The following KCNQ5 variants were observed in gnomAD, a reference collection of about 807,000 sequenced individuals.
KCNQ5 encodes the protein potassium voltage-gated channel subfamily KQT member 5.
KCNQ5 carries 30 observed loss-of-function variants against 98.2 expected under a neutral mutation model. That is an observed-to-expected ratio of 0.31 (90% CI 0.23 to 0.41). The LOEUF (loss-of-function observed/expected upper bound fraction) is 0.41. Among genes scored for constraint, KCNQ5 ranks in the 10% least tolerant of loss-of-function variants. KCNQ5 has a pLI of 1.00. For synonymous variants in KCNQ5, 458 were observed against 449.4 expected (o/e 1.02, Z -0.24); for missense variants, 835 against 1,182.5 (o/e 0.71, Z 4.31).
chr6:73,109,540 C>A (rs1020994426), intron 6 of KCNQ5, among the ~76,000 whole-genome samples: 2 of 152,096 alleles, frequency 1.3e-5, no homozygotes, highest in Admixed American at 6.5e-5. Context: ...ATAAAGAAAT[C>A]TTTCCTAAAT....
intron 1 of KCNQ5, among the ~76,000 whole-genome samples, chr6:72,749,202 C>A (rs915201709): frequency 2.6e-5 from 4 of 152,050 alleles, no homozygotes; most frequent in Non-Finnish European, 4.4e-5. Flanking sequence ...AAAGTTGAAT[C>A]CTTGCTAAAG....
At chr6:73,015,273 A>G (rs566458765) in intron 2 of KCNQ5, among the ~76,000 whole-genome samples, 1 of 152,212 alleles carries the variant, frequency 6.6e-6, no homozygotes, top group African/African-American at 2.4e-5. Flanking sequence ...TTCATCAAGG[A>G]AAAATGCAAA....
chr6:72,770,583 A>G (rs1415112598), intron 1 of KCNQ5, among the ~76,000 whole-genome samples: 1 of 152,186 alleles, frequency 6.6e-6, no homozygotes, highest in African/African-American at 2.4e-5. Flanking sequence ...AATATTTAGT[A>G]TGAAATCAAT....
intron 1 of KCNQ5, chr6:72,987,450 GACA>G (rs1768840411): frequency 2.9e-6 from 2 of 680,186 alleles, no homozygotes; most frequent in Non-Finnish European, 5.6e-6. Flanking sequence ...TGCTGGTTTT[GACA>G]ACGAGGAACA....
intron 1 of KCNQ5, among the ~76,000 whole-genome samples, chr6:72,848,737 G>A (rs755867473): frequency 1.8e-4 from 27 of 152,098 alleles, no homozygotes; most frequent in Non-Finnish European, 3.1e-4. Flanking sequence ...TCGTGGGGGC[G>A]ATTACCCCCA....
chr6:73,040,418 A>G (rs1771637646), intron 2 of KCNQ5, among the ~76,000 whole-genome samples: 1 of 152,192 alleles, frequency 6.6e-6, no homozygotes, highest in Non-Finnish European at 1.5e-5. Flanking sequence ...GGGCCTGAGT[A>G]TGTTTTCCAT....
At chr6:73,134,339 C>G (rs1487400533) in intron 10 of KCNQ5, 1 of 157,774 alleles carries the variant, frequency 6.3e-6, no homozygotes, top group Non-Finnish European at 1.4e-5. Flanking sequence ...ATAAGCTTGG[C>G]TTTCCTTTTA....
intron 11 of KCNQ5, among the ~76,000 whole-genome samples, chr6:73,173,565 T>A (rs1030330174): frequency 2.0e-5 from 3 of 152,206 alleles, no homozygotes; most frequent in African/African-American, 7.2e-5. Context: ...ACTATTACTT[T>A]TCATGCTAGT....
intron 3 of KCNQ5, chr6:73,055,996 C>T (rs1772472127): frequency 5.2e-6 from 2 of 387,368 alleles, no homozygotes; most frequent in South Asian, 2.2e-5. Context: ...TCATTTTAGC[C>T]ATTTTGTCTT....
chr6:73,136,875 T>C (rs1245045661), intron 10 of KCNQ5: 1 of 152,220 alleles, frequency 6.6e-6, no homozygotes, highest in African/African-American at 2.4e-5. Flanking sequence ...ATAACACTTA[T>C]AGCCAGTTTT....
chr6:72,838,853 G>A (rs1200656975), intron 1 of KCNQ5, among the ~76,000 whole-genome samples: 1 of 148,844 alleles, frequency 6.7e-6, no homozygotes. Context: ...GGGAGGCTGA[G>A]GCAGGAGAAT....
chr6:72,912,671 T>C (rs1779988542), intron 1 of KCNQ5, among the ~76,000 whole-genome samples: 1 of 152,214 alleles, frequency 6.6e-6, no homozygotes, highest in African/African-American at 2.4e-5. Flanking sequence ...TGATTATTTA[T>C]TTTCTTTTAA....
intron 11 of KCNQ5, among the ~76,000 whole-genome samples, chr6:73,187,659 A>G (rs1424610831): frequency 6.6e-6 from 1 of 152,232 alleles, no homozygotes; most frequent in Non-Finnish European, 1.5e-5. Context: ...AATAACATAA[A>G]AGATAATCAG....
chr6:72,695,887 T>C (rs1768468047), intron 1 of KCNQ5, among the ~76,000 whole-genome samples: 1 of 152,192 alleles, frequency 6.6e-6, no homozygotes, highest in African/African-American at 2.4e-5. Flanking sequence ...ATAGCAAGTC[T>C]CTGTCTCTAA....
chr6:73,152,133 G>A (rs1582451672), intron 10 of KCNQ5, among the ~76,000 whole-genome samples: 1 of 151,864 alleles, frequency 6.6e-6, no homozygotes, highest in Non-Finnish European at 1.5e-5. Flanking sequence ...TGAGAAGAGT[G>A]TCTGGAAGGC....
intron 1 of KCNQ5, among the ~76,000 whole-genome samples, chr6:73,000,222 C>A (rs112838478): frequency 1.2e-3 from 189 of 152,326 alleles, no homozygotes; most frequent in African/African-American, 4.2e-3. Context: ...AGCCCAACAT[C>A]TGAACACTGT....
At chr6:72,767,052 C>A (rs781159640) in intron 1 of KCNQ5, among the ~76,000 whole-genome samples, 1 of 151,852 alleles carries the variant, frequency 6.6e-6, no homozygotes, top group African/African-American at 2.4e-5. Context: ...GGGTAAGGAA[C>A]AATCATAGCT....
chr6:72,988,649 C>CTTTTT (rs71540364), intron 1 of KCNQ5, among the ~76,000 whole-genome samples: 123 of 127,716 alleles, frequency 9.6e-4, no homozygotes, highest in East Asian at 2.1e-3. Context: ...GCATGATTTT[C>CTTTTT]TTTTTTTTTT....
rs1048278849 is a variant in KCNQ5, at chr6:72,897,649, G to A, written c.399-106259G>A. Among the ~76,000 whole-genome samples the A allele has an allele frequency of 1.2e-4, 19 of 152,044 alleles. No homozygotes were observed. In the East Asian group the frequency reaches 1.7e-3, roughly 14 times the overall value. ...GAAAATACTTGGTAAACAAACAAACGAACAAACAAAAATAGAACCAAGAGA... is the reference window on the plus strand; with the variant it reads ...GAAAATACTTGGTAAACAAACAAACAAACAAACAAAAATAGAACCAAGAGA... On this transcript the variant is annotated intron_variant, in intron 1 of 13. Coordinates refer to ENST00000370398, the MANE Select transcript of KCNQ5 (RefSeq NM_019842.4).
Sources: gnomAD v4.1 joint callset for allele counts (sites outside exome capture counted in the v4.1 genomes callset) on GRCh38, gnomAD v4.1.1 for gene constraint, MANE v1.5 for transcripts, NCBI Gene and HGNC (gene_info 2026-07-23, HGNC 2026-07-21) for gene names.